ORMDL3: variants seen among roughly 807,000 people sequenced by gnomAD.
ORMDL3 encodes the protein ORMDL sphingolipid biosynthesis regulator 3, also known as ORM1-like protein 3.
In ORMDL3, 6 loss-of-function variants were observed where a neutral mutation model predicts 12.6. That is an observed-to-expected ratio of 0.48 (90% CI 0.26 to 0.94). The LOEUF is 0.94. Among genes scored for constraint, ORMDL3 ranks in the 40% least tolerant of loss-of-function variants. The pLI, the probability that ORMDL3 is intolerant of heterozygous loss-of-function variation, is 0.14. For missense variants in ORMDL3, 159 were observed against 205.5 expected (o/e 0.77, Z 1.38); for synonymous variants, 99 against 87.2 (o/e 1.14, Z -0.75).
chr17:39,924,466 G>A (rs1978325913), intron 1 of ORMDL3, among the ~76,000 whole-genome samples: 1 of 152,188 alleles, frequency 6.6e-6, no homozygotes, highest in South Asian at 2.1e-4. Flanking sequence ...ACAGGGCCCT[G>A]GCAGGGCATC....
Position 39,922,402 on chromosome 17 carries a change from G to C in ORMDL3, c.*148C>G, listed in dbSNP as rs758688886. 5.0e-6 allele frequency: 5 copies of C among 1,008,500 alleles called. No homozygotes were observed. The highest frequency in any genetic ancestry group is 7.1e-6 in the Non-Finnish European group (5 of 699,666). The allele number at this position is 1,008,500 out of a possible 1,614,324, so 62.5% of individuals were successfully genotyped here. A position where few individuals can be genotyped will look rare whatever the true frequency, so the allele number is the denominator to read the frequency against. On this transcript the variant is annotated 3_prime_UTR_variant, in exon 4 of 4. Coordinates refer to ENST00000304046, the MANE Select transcript of ORMDL3 (RefSeq NM_139280.4). Reference sequence around the variant, plus strand: ...CAAGCTACTCCAAGTTGGCTACTGGGGGAAGCGAGGGGGGAAATTAGGCCA... The same window carrying C: ...CAAGCTACTCCAAGTTGGCTACTGGCGGAAGCGAGGGGGGAAATTAGGCCA...
rs1377470534 is a variant in ORMDL3 at position 39,922,613 on chromosome 17, G to A, written c.399C>T (p.Ser133=). 19 of 1,614,048 alleles carry A rather than the reference G, an allele frequency of 1.2e-5. 1 individual carries two copies. Among genetic ancestry groups the A allele is most frequent in the Admixed American group, 8.3e-5 (5 of 60,006 alleles). ...HFVLNTVSLM[S]VLIPKLPQLH... is the part of the protein sequence containing the mutation. ...GCTGGGGCAGCTTGGGGATAAGCAC[G>A]CTCATCAGGGACACGGTGTTGAGCA... The change falls in exon 4 of 4, where the codon AGC becomes AGT. Residue 133 remains serine, a synonymous_variant. Transcript: ENST00000304046.
chr17:39,922,855 C>T (rs1381796624), intron 3 of ORMDL3, among the ~76,000 whole-genome samples, 170 bp from the exon 4 acceptor site: 1 of 152,186 alleles, frequency 6.6e-6, no homozygotes, highest in Non-Finnish European at 1.5e-5. Flanking sequence ...CCCTCCTGGC[C>T]CAGTACCGCC....
intron 1 of ORMDL3, chr17:39,925,127 C>G (rs764563859): frequency 2.6e-5 from 4 of 152,464 alleles, no homozygotes; most frequent in African/African-American, 4.8e-5. Flanking sequence ...AACCTGTGGC[C>G]TCCCTCCTGC....
chr17:39,927,566 G>A lies in ORMDL3; in HGVS notation c.-105C>T, dbSNP rs571399130. ...TGCTCCAGCAGCTGTAACAACCCGC[G>A]GCTGCAGCCTCCCCGCTGGCAGCTC... is the stretch of plus-strand genomic sequence containing the variant. On this transcript the variant is annotated 5_prime_UTR_variant, in exon 1 of 4. Coordinates refer to ENST00000304046, the MANE Select transcript of ORMDL3 (RefSeq NM_139280.4). 159 of 985,466 alleles carry A rather than the reference G, an allele frequency of 1.6e-4. No homozygotes were observed. The highest frequency in any genetic ancestry group is 1.9e-4 in the Non-Finnish European group (156 of 830,062). The allele number at this position is 985,466 out of a possible 1,614,324, so 61.0% of individuals were successfully genotyped here. A position where few individuals can be genotyped will look rare whatever the true frequency, so the allele number is the denominator to read the frequency against.
At position 39,924,006 on chromosome 17, in the gene ORMDL3, GGCAGGCA is replaced by G. The variant is rs1188629299; in HGVS notation, c.174+17_174+23del. The G allele has an allele frequency of 6.4e-7, 1 of 1,574,260 alleles. No individual in the cohort carries two copies. Among genetic ancestry groups the G allele is most frequent in the Non-Finnish European group, 8.6e-7 (1 of 1,157,804 alleles). On this transcript the variant is annotated intron_variant, in intron 2 of 3. Coordinates refer to ENST00000304046, the MANE Select transcript of ORMDL3 (RefSeq NM_139280.4). ...CCCACAGGGCAGGGGCAGGGGCAGG[GGCAGGCA>G]GCAGACAGGCTCTCACCATGTTGTG...
Position 39,921,177 on chromosome 17 carries a change from T to C in ORMDL3, c.*1373A>G, listed in dbSNP as rs1330894185. 1 of 152,674 alleles carries C rather than the reference T, an allele frequency of 6.5e-6. No homozygotes were observed. Among genetic ancestry groups the C allele is most frequent in the Non-Finnish European group, 1.5e-5 (1 of 68,058 alleles). 9.5% of individuals were successfully genotyped at this position (152,674 alleles called of 1,614,324 possible). On this transcript the variant is annotated 3_prime_UTR_variant, in exon 4 of 4. Coordinates refer to ENST00000304046, the MANE Select transcript of ORMDL3 (RefSeq NM_139280.4). The stretch of plus-strand genomic sequence containing the variant: ...GATACACGGGGTGGGAGATGCAGGG[T>C]CAGGAGGGAGAAAACAGGCCCAGTG...
chr17:39,923,708 G>A (rs910024780), intron 2 of ORMDL3, among the ~76,000 whole-genome samples: 1 of 152,140 alleles, frequency 6.6e-6, no homozygotes, highest in African/African-American at 2.4e-5. Context: ...CTAGGCACCA[G>A]GACTCTCGGG....
intron 1 of ORMDL3, 83 bp from the exon 2 acceptor site, chr17:39,924,308 C>A: frequency 7.5e-7 from 1 of 1,336,724 alleles, no homozygotes; most frequent in Non-Finnish European, 1.0e-6. Flanking sequence ...GGAGGCAGGC[C>A]CTTGTTTCCC....
intron 1 of ORMDL3, chr17:39,926,640 T>C (rs1408016034): frequency 2.7e-6 from 1 of 369,140 alleles, no homozygotes; most frequent in African/African-American, 2.2e-5. Context: ...AACCACTTTT[T>C]TGCTGGTAGC....
In ORMDL3 at chr17:39,923,170, C is replaced by G. The variant is rs777750304; in HGVS notation, c.268G>C (p.Asp90His). The G allele has an allele frequency of 6.2e-7, 1 of 1,614,222 alleles. No homozygotes were observed. Among genetic ancestry groups the G allele is most frequent in the South Asian group, 1.1e-5 (1 of 91,090 alleles). Residue 90 changes from aspartate (D) to histidine (H), a missense_variant, in exon 3 of 4, where the codon GAT (aspartate) becomes CAT (histidine). Physicochemically the swap from Asp to His is moderately conservative, Grantham distance 81. Transcript: ENST00000304046. ...GAGGCCGTGAACTGGACCCCATAAT[C>G]CATCTGCTCCCAGTGGGTTAGCAGC... Reference protein sequence around the residue: ...ARLLTHWEQMDYGVQFTASRK... With the variant: ...ARLLTHWEQMHYGVQFTASRK...
intron 3 of ORMDL3, among the ~76,000 whole-genome samples, 180 bp from the exon 4 acceptor site, chr17:39,922,865 C>T (rs1442089515): frequency 6.6e-6 from 1 of 152,196 alleles, no homozygotes; most frequent in Non-Finnish European, 1.5e-5. Flanking sequence ...CCAGTACCGC[C>T]CCCACCTCCC....
In ORMDL3 at chr17:39,922,407, G is replaced by A; in HGVS notation, c.*143C>T. 9.4e-7 allele frequency: 1 copy of A among 1,068,348 alleles called. No individual in the cohort carries two copies. Among genetic ancestry groups the A allele is most frequent in the Non-Finnish European group, 1.3e-6 (1 of 754,544 alleles). The allele number at this position is 1,068,348 out of a possible 1,614,324, so 66.2% of individuals were successfully genotyped here. On this transcript the variant is annotated 3_prime_UTR_variant, in exon 4 of 4. Transcript: ENST00000304046. ...TACTCCAAGTTGGCTACTGGGGGAA[G>A]CGAGGGGGGAAATTAGGCCAGAGGC... is the stretch of plus-strand genomic sequence containing the variant.
intron 1 of ORMDL3, among the ~76,000 whole-genome samples, chr17:39,924,570 C>A (rs1978328172): frequency 6.6e-6 from 1 of 152,186 alleles, no homozygotes; most frequent in Non-Finnish European, 1.5e-5. Context: ...CATGAGGACC[C>A]TCTGCCGACA....
Position 39,922,646 on chromosome 17 carries a change from G to C in ORMDL3, c.366C>G (p.Ile122Met). 1 of 1,613,720 alleles carries C rather than the reference G, an allele frequency of 6.2e-7. No individual in the cohort carries two copies. The highest frequency in any genetic ancestry group is 8.5e-7 in the Non-Finnish European group (1 of 1,179,788). Residue 122 changes from isoleucine (I) to methionine (M), a missense_variant, in exon 4 of 4, where the codon ATC becomes ATG. Ile to Met is a conservative substitution (Grantham distance 10, BLOSUM62 1). Coordinates refer to ENST00000304046, the MANE Select transcript of ORMDL3 (RefSeq NM_139280.4). ...LTSFYTKYDQ[I>M]HFVLNTVSLM... ...GGGACACGGTGTTGAGCACAAAATG[G>C]ATCTGGTCGTACTTAGTGTAGAAGC...
In ORMDL3 at chr17:39,921,835, T is replaced by G. The variant is rs1002884956; in HGVS notation, c.*715A>C. 6.6e-6 allele frequency: 1 copy of G among 152,440 alleles called. No homozygotes were observed. The highest frequency in any genetic ancestry group is 2.4e-5 in the African/African-American group (1 of 41,356). 9.4% of individuals were successfully genotyped at this position (152,440 alleles called of 1,614,324 possible). On this transcript the variant is annotated 3_prime_UTR_variant, in exon 4 of 4. Coordinates refer to ENST00000304046, the MANE Select transcript of ORMDL3 (RefSeq NM_139280.4). ...TGCTATGTGGCCCCATTCTTCTAAG[T>G]CTCGACTCACTAGCTCTCCTACAGC...
rs955074515 is a variant in ORMDL3, at chr17:39,921,138, T to C, written c.*1412A>G. On this transcript the variant is annotated 3_prime_UTR_variant, in exon 4 of 4. Transcript: ENST00000304046. ...CACTTTGCTTAGAAAGATTTTAAGG[T>C]GAAAGTTCCCTATGATACACGGGGT... is the stretch of plus-strand genomic sequence containing the variant. 2.0e-5 allele frequency: 3 copies of C among 152,754 alleles called. No individual in the cohort carries two copies. The highest frequency in any genetic ancestry group is 1.3e-4 in the Admixed American group (2 of 15,282). The allele number at this position is 152,754 out of a possible 1,614,324, so 9.5% of individuals were successfully genotyped here. A position where few individuals can be genotyped will look rare whatever the true frequency, so the allele number is the denominator to read the frequency against.
rs771038000 is a variant in ORMDL3, at chr17:39,922,592, G to A, written c.420C>T (p.Pro140=). The A allele has an allele frequency of 3.0e-5, 48 of 1,614,048 alleles. No individual in the cohort carries two copies. In the East Asian group the frequency reaches 1.1e-3, roughly 36 times the overall value. Residue 140 remains proline (P), a synonymous_variant, in exon 4 of 4, where the codon CCC becomes CCT. Transcript: ENST00000304046. ...CAAAAATCCGGACTCCGTGGAGCTG[G>A]GGCAGCTTGGGGATAAGCACGCTCA... ...SLMSVLIPKL[P]QLHGVRIFGI...
intron 1 of ORMDL3, chr17:39,925,572 ACC>A (rs1467545699): frequency 2.6e-5 from 4 of 152,112 alleles, no homozygotes; most frequent in African/African-American, 9.7e-5. Flanking sequence ...CCCTGCAGCA[ACC>A]CCGTCAGACC....
Sources: allele counts gnomAD v4.1 joint callset (sites outside exome capture counted in the v4.1 genomes callset), GRCh38; gene constraint gnomAD v4.1.1; transcripts MANE v1.5; gene names NCBI Gene and HGNC (gene_info 2026-07-23, HGNC 2026-07-21).